Variants in RPL11 observed in about 807,000 individuals in gnomAD.
RPL11 encodes the protein ribosomal protein L11, also known as large ribosomal subunit protein uL5.
Under a neutral mutation model 24.1 loss-of-function variants are expected in RPL11, and 3 were observed. The ratio of observed to expected loss-of-function variants is 0.12; its 90% CI spans 0.06 to 0.32. The LOEUF (loss-of-function observed/expected upper bound fraction) is 0.32. RPL11 is among the 10% of genes least tolerant of loss of function. The pLI is 1.00. For missense variants in RPL11, 146 were observed against 225.7 expected (o/e 0.65, Z 2.26); for synonymous variants, 96 against 75.7 (o/e 1.27, Z -1.39).
At chr1:23,692,151 C>G (rs1644504279) in intron 1 of RPL11, 3 of 526,390 alleles carry the variant, frequency 5.7e-6, no homozygotes, top group Non-Finnish European at 1.0e-5. Context: ...GGACTTGAGA[C>G]TTGCTCGGTG....
rs1644503242 is a variant in RPL11 at position 23,692,048 on chromosome 1, G to A, written c.6+219G>A. On this transcript the variant is annotated intron_variant, in intron 1 of 5. Coordinates refer to ENST00000643754, the MANE Select transcript of RPL11 (RefSeq NM_000975.5). ...GCGGCTCCGGGCACTTGCCCGGAGT[G>A]CTCAGAAGCACGGTCAGGAGGCTGC... 7.8e-6 allele frequency: 5 copies of A among 643,076 alleles called. No individual in the cohort carries two copies. The East Asian group carries it at 8.2e-5, about 11-fold the overall frequency. The allele number at this position is 643,076 out of a possible 1,614,324, so 39.8% of individuals were successfully genotyped here.
At position 23,694,798 on chromosome 1, in the gene RPL11, A is replaced by C; in HGVS notation, c.396+7A>C. The C allele has an allele frequency of 6.2e-7, 1 of 1,614,170 alleles. No homozygotes were observed. The highest frequency in any genetic ancestry group is 1.7e-5 in the Admixed American group (1 of 60,010). The stretch of plus-strand genomic sequence containing the variant: ...CGGCCTGGACTTCTATGTGGTATGA[A>C]TATTTAATCTTTTCCCGCTCCTGGT... On this transcript the variant is annotated splice_region_variant and intron_variant, in intron 4 of 5. Transcript: ENST00000643754.
rs199772693 is a variant in RPL11, at chr1:23,692,704, G to C, written c.102G>C (p.Thr34=). The change falls in exon 2 of 6, where the codon ACG becomes ACC. Residue 34 remains threonine (T), a synonymous_variant. Transcript: ENST00000643754. ...ICVGESGDRL[T]RAAKVLEQLT... is the part of the protein sequence containing the mutation. ...TTGGGGAGAGTGGAGACAGACTGAC[G>C]CGAGCAGCCAAGGTGTTGGAGCAGC... is the stretch of plus-strand genomic sequence containing the variant. The C allele has an allele frequency of 1.2e-4, 189 of 1,614,044 alleles. 1 individual carries two copies. The South Asian group carries it at 1.9e-3, about 16-fold the overall frequency.
At position 23,693,861 on chromosome 1, in the gene RPL11, A is replaced by G; in HGVS notation, c.212A>G (p.His71Arg). 6.2e-7 allele frequency: 1 copy of G among 1,614,204 alleles called. No homozygotes were observed. Among genetic ancestry groups the G allele is most frequent in the Non-Finnish European group, 8.5e-7 (1 of 1,180,030 alleles). Residue 71 changes from histidine (H) to arginine (R), a missense_variant, in exon 3 of 6, where the codon CAC becomes CGC. Transcript: ENST00000643754. ...CGGAGAAATGAAAAGATTGCTGTCC[A>G]CTGCACAGTTCGAGGGGCCAAGGCA... ...GIRRNEKIAV[H>R]CTVRGAKAEE...
Position 23,693,817 on chromosome 1 carries a change from T to C in RPL11, c.168T>C (p.Thr56=), listed in dbSNP as rs111844227. 1.2e-6 allele frequency: 2 copies of C among 1,614,030 alleles called. No individual in the cohort carries two copies. The highest frequency in any genetic ancestry group is 1.3e-5 in the African/African-American group (1 of 75,060). Residue 56 remains threonine, a synonymous_variant, in exon 3 of 6, where the codon ACT becomes ACC. Transcript: ENST00000643754. The stretch of plus-strand genomic sequence containing the variant: ...ACCCACTTCCTGCAGCTAGATACAC[T>C]GTCAGATCCTTTGGCATCCGGAGAA... ...QTPVFSKARY[T]VRSFGIRRNE...
intron 4 of RPL11, 149 bp downstream of exon 4, chr1:23,694,940 C>T (rs1024548533): frequency 1.0e-4 from 126 of 1,246,986 alleles, no homozygotes; most frequent in Non-Finnish European, 1.4e-4. Context: ...AAATGTGCCT[C>T]ATTTGTGGCA....
intron 2 of RPL11, among the ~76,000 whole-genome samples, chr1:23,693,239 C>T (rs1484175957): frequency 1.3e-5 from 2 of 152,150 alleles, no homozygotes; most frequent in Non-Finnish European, 1.5e-5. Context: ...TGACTCTGGG[C>T]TCTCTGGACC....
chr1:23,695,567 G>C (rs1294554719), intron 4 of RPL11: 1 of 559,674 alleles, frequency 1.8e-6, no homozygotes, highest in Non-Finnish European at 3.2e-6. Context: ...TGGAAAATAG[G>C]CTGGGTTAGG....
chr1:23,695,616 G>A (rs539152946), intron 4 of RPL11, 182 bp from the exon 5 acceptor site: 4 of 660,604 alleles, frequency 6.1e-6, no homozygotes, highest in South Asian at 3.4e-5. Context: ...CAAACTTACA[G>A]TATGGCTGTG....
rs1330845903 is a variant in RPL11 at position 23,696,829 on chromosome 1, A to C, written c.*456A>C. 4.4e-6 allele frequency: 1 copy of C among 224,970 alleles called. No individual in the cohort carries two copies. The highest frequency in any genetic ancestry group is 2.3e-5 in the African/African-American group (1 of 43,636). 13.9% of individuals were successfully genotyped at this position (224,970 alleles called of 1,614,324 possible). On this transcript the variant is annotated 3_prime_UTR_variant, in exon 6 of 6. Coordinates refer to ENST00000643754, the MANE Select transcript of RPL11 (RefSeq NM_000975.5). The stretch of plus-strand genomic sequence containing the variant: ...GATGGTTGAGATTAAATTTAGACTT[A>C]ACTGTTCAGGCTCAGGTTTCTTTTA...
At chr1:23,692,171 C>G in intron 1 of RPL11, 1 of 494,026 alleles carries the variant, frequency 2.0e-6, no homozygotes, top group Non-Finnish European at 3.7e-6. Context: ...GCTAGGAAAC[C>G]TTAGTCGGTT....
At chr1:23,692,947 A>G (rs1323683792) in intron 2 of RPL11, among the ~76,000 whole-genome samples, 188 bp downstream of exon 2, 5 of 151,180 alleles carry the variant, frequency 3.3e-5, no homozygotes, top group African/African-American at 1.2e-4. Context: ...TTGGAACACT[A>G]GATTTTATTT....
intron 3 of RPL11, 29 bp from the exon 4 acceptor site, chr1:23,694,631 G>C: frequency 6.2e-7 from 1 of 1,613,422 alleles, no homozygotes. Flanking sequence ...AGATGACAAG[G>C]AATGTTATTG....
At chr1:23,694,911 G>C in intron 4 of RPL11, 120 bp downstream of exon 4, 1 of 1,487,668 alleles carries the variant, frequency 6.7e-7, no homozygotes, top group Non-Finnish European at 9.3e-7. Flanking sequence ...CTGCCTTTGT[G>C]TTCTCCTCCC....
chr1:23,693,667 A>G, intron 2 of RPL11, 140 bp from the exon 3 acceptor site: 2 of 686,696 alleles, frequency 2.9e-6, no homozygotes, highest in Non-Finnish European at 5.4e-6. Context: ...TGTGGGAGAC[A>G]CTAATTAGAA....
At chr1:23,695,198 T>G (rs1021453206) in intron 4 of RPL11, 1 of 331,176 alleles carries the variant, frequency 3.0e-6, no homozygotes, top group African/African-American at 2.1e-5. Flanking sequence ...GATGCAGTGG[T>G]TTGCTCAGGA....
chr1:23,691,801 G>T (rs373385064), upstream of RPL11: 77 of 1,614,100 alleles, frequency 4.8e-5, no homozygotes, highest in Non-Finnish European at 5.8e-5. Flanking sequence ...CGGAAGCTCC[G>T]CTTTCTCTTC....
chr1:23,692,459 G>C (rs538784660), intron 1 of RPL11, 150 bp from the exon 2 acceptor site: 1 of 946,852 alleles, frequency 1.1e-6, no homozygotes, highest in African/African-American at 1.6e-5. Context: ...TTCTTCCCTT[G>C]ATGTCCCCTA....
At chr1:23,696,241 C>G (rs781777504) in intron 5 of RPL11, 103 bp from the exon 6 acceptor site, 6 of 1,137,524 alleles carry the variant, frequency 5.3e-6, no homozygotes, top group Non-Finnish European at 7.9e-6. Flanking sequence ...ATTCAGAGCC[C>G]AAGTTCATGT....
Sources: allele counts gnomAD v4.1 joint callset (sites outside exome capture counted in the v4.1 genomes callset), GRCh38; gene constraint gnomAD v4.1.1; transcripts MANE v1.5; gene names NCBI Gene and HGNC (gene_info 2026-07-23, HGNC 2026-07-21).